Variants in TMEM184B observed in about 807,000 individuals in gnomAD.
TMEM184B encodes the protein transmembrane protein 184B, also known as putative MAPK-activating protein FM08.
Under a neutral mutation model 41.8 loss-of-function variants are expected in TMEM184B, and 17 were observed. The observed-to-expected ratio is 0.41, with a 90% CI of 0.28 to 0.61. TMEM184B has a LOEUF of 0.61. Ranked by LOEUF, TMEM184B falls within the 20% of genes least tolerant of loss-of-function variation. The probability of loss-of-function intolerance (pLI) is 0.34; values close to 1 mark genes in which losing one functional copy is unlikely to be tolerated. For missense variants in TMEM184B, 393 were observed against 557.8 expected (o/e 0.70, Z 2.98); for synonymous variants, 240 against 229.5 (o/e 1.05, Z -0.41).
At position 38,247,824 on chromosome 22, in the gene TMEM184B, A is replaced by T. The variant is rs748200048; in HGVS notation, c.138T>A (p.Ala46=). Reference sequence around the variant, plus strand: ...ACACGAAGAAGCCAGAGATGGCCTGAGCGGCAGTTGTCATCAGGAACACAG... The same window carrying T: ...ACACGAAGAAGCCAGAGATGGCCTGTGCGGCAGTTGTCATCAGGAACACAG... ...EQPVFLMTTA[A]QAISGFFVWT... Residue 46 remains alanine (A), a synonymous_variant, in exon 2 of 9, where the codon GCT becomes GCA. Transcript: ENST00000361906. 6.2e-7 allele frequency: 1 copy of T among 1,613,946 alleles called. No individual in the cohort carries two copies. Among genetic ancestry groups the T allele is most frequent in the South Asian group, 1.1e-5 (1 of 91,044 alleles).
chr22:38,229,681 G>T (rs2091556971), intron 5 of TMEM184B, among the ~76,000 whole-genome samples: 1 of 110,748 alleles, frequency 9.0e-6, no homozygotes, highest in South Asian at 3.6e-4. Flanking sequence ...GATTGCCAAG[G>T]CTACTCTAGA....
intron 3 of TMEM184B, among the ~76,000 whole-genome samples, chr22:38,234,009 T>G (rs2145616153): frequency 8.1e-6 from 1 of 123,506 alleles, no homozygotes; most frequent in African/African-American, 3.0e-5. Context: ...CCTCAGGTGA[T>G]CCGCCCACCT....
At chr22:38,263,792 T>C (rs1368001747) in intron 1 of TMEM184B, among the ~76,000 whole-genome samples, 1 of 152,178 alleles carries the variant, frequency 6.6e-6, no homozygotes, top group Non-Finnish European at 1.5e-5. Context: ...GGGGGAAATA[T>C]AGAAAATATG....
At chr22:38,253,011 A>G (rs112496487) in intron 1 of TMEM184B, among the ~76,000 whole-genome samples, 1 of 152,046 alleles carries the variant, frequency 6.6e-6, no homozygotes, top group Admixed American at 6.6e-5. Context: ...GCCTGGTGGC[A>G]GGCGCCTGTA....
chr22:38,271,292 C>G (rs1448484378), intron 1 of TMEM184B, among the ~76,000 whole-genome samples: 1 of 152,142 alleles, frequency 6.6e-6, no homozygotes, highest in Non-Finnish European at 1.5e-5. Flanking sequence ...ATAGTAGATG[C>G]TCAGTAAGTT....
Position 38,220,457 on chromosome 22 carries a change from T to C in TMEM184B, c.*1012A>G. 1 of 983,940 alleles carries C rather than the reference T, an allele frequency of 1.0e-6. No homozygotes were observed. Among genetic ancestry groups the C allele is most frequent in the Non-Finnish European group, 1.2e-6 (1 of 829,436 alleles). 61.0% of individuals were successfully genotyped at this position (983,940 alleles called of 1,614,324 possible). ...GTGTGGATAGGGGCCCCGAGAGGAG[T>C]CTGGGACCATTCCCCCCACCTCCCA... On this transcript the variant is annotated 3_prime_UTR_variant, in exon 9 of 9. Transcript: ENST00000361906.
chr22:38,253,933 G>C (rs533392542), intron 1 of TMEM184B, among the ~76,000 whole-genome samples: 1 of 152,200 alleles, frequency 6.6e-6, no homozygotes, highest in Non-Finnish European at 1.5e-5. Flanking sequence ...AGGCGCGGTG[G>C]TTCACACCTG....
At chr22:38,223,366 G>C (rs1038774862) in intron 8 of TMEM184B, 4 of 152,338 alleles carry the variant, frequency 2.6e-5, no homozygotes, top group African/African-American at 9.7e-5. Context: ...CGGGCACAGG[G>C]TATACCACAC....
rs907381212 is a variant in TMEM184B at position 38,226,606 on chromosome 22, G to A, written c.617+173C>T. ...TGGCTCACTCCGGGGCTGGCAGCGG[G>A]GCCAACTGCAAGGGTGTCCACTGCT... On this transcript the variant is annotated intron_variant, in intron 6 of 8. Transcript: ENST00000361906. The surrounding 1 kb of genome is among the most constrained non-coding windows in gnomAD (Gnocchi z 4.6). 1.7e-6 allele frequency: 1 copy of A among 605,140 alleles called. No individual in the cohort carries two copies. Among genetic ancestry groups the A allele is most frequent in the East Asian group, 3.0e-5 (1 of 33,520 alleles). 37.5% of individuals were successfully genotyped at this position (605,140 alleles called of 1,614,324 possible). A position where few individuals can be genotyped will look rare whatever the true frequency, so the allele number is the denominator to read the frequency against.
intron 3 of TMEM184B, among the ~76,000 whole-genome samples, chr22:38,236,302 T>A (rs1009207348): frequency 1.3e-5 from 2 of 151,688 alleles, no homozygotes; most frequent in Admixed American, 6.6e-5. Context: ...ATGCACAGTA[T>A]CAGGAGAGAA....
At position 38,220,972 on chromosome 22, in the gene TMEM184B, C is replaced by G; in HGVS notation, c.*497G>C. 1.0e-6 allele frequency: 1 copy of G among 990,616 alleles called. No homozygotes were observed. The highest frequency in any genetic ancestry group is 1.2e-6 in the Non-Finnish European group (1 of 833,220). The allele number at this position is 990,616 out of a possible 1,614,324, so 61.4% of individuals were successfully genotyped here. A position where few individuals can be genotyped will look rare whatever the true frequency, so the allele number is the denominator to read the frequency against. ...GAGCGCCCACATCCCCACTCCTGCCCGGGGTGAGGTGAATCTAGCACTGGA... is the reference window on the plus strand; with the variant it reads ...GAGCGCCCACATCCCCACTCCTGCCGGGGGTGAGGTGAATCTAGCACTGGA... On this transcript the variant is annotated 3_prime_UTR_variant, in exon 9 of 9. Coordinates refer to ENST00000361906, the MANE Select transcript of TMEM184B (RefSeq NM_012264.5).
chr22:38,222,065 G>T, intron 8 of TMEM184B: 2 of 258,530 alleles, frequency 7.7e-6, no homozygotes, highest in South Asian at 1.2e-4. Flanking sequence ...ACTGACTGAA[G>T]TTGGGGCATG....
chr22:38,266,996 T>C (rs2092452560), intron 1 of TMEM184B, among the ~76,000 whole-genome samples: 2 of 150,614 alleles, frequency 1.3e-5, no homozygotes, highest in South Asian at 4.2e-4. Flanking sequence ...GGCAGGAGAA[T>C]GGCTTGAACC....
At chr22:38,238,638 C>T (rs1246327699) in intron 3 of TMEM184B, among the ~76,000 whole-genome samples, 1 of 152,228 alleles carries the variant, frequency 6.6e-6, no homozygotes, top group African/African-American at 2.4e-5. Flanking sequence ...CTGCGGCCCT[C>T]GGCTGTGCTC....
rs573689330 is a variant in TMEM184B at position 38,220,617 on chromosome 22, C to T, written c.*852G>A. On this transcript the variant is annotated 3_prime_UTR_variant, in exon 9 of 9. Coordinates refer to ENST00000361906, the MANE Select transcript of TMEM184B (RefSeq NM_012264.5). ...AGCCCCAAAGAGAGAGAGGACCCAG[C>T]ATCAGCCTGGGAAGGAGGGCTGGGA... 3.0e-6 allele frequency: 3 copies of T among 986,210 alleles called. No individual in the cohort carries two copies. The South Asian group carries it at 1.4e-4, about 46-fold the overall frequency. 61.1% of individuals were successfully genotyped at this position (986,210 alleles called of 1,614,324 possible).
chr22:38,270,586 G>A (rs1418415795), intron 1 of TMEM184B, among the ~76,000 whole-genome samples: 4 of 152,146 alleles, frequency 2.6e-5, no homozygotes, highest in African/African-American at 9.7e-5. Flanking sequence ...CACAGTGCAG[G>A]GCAGCATGGT....
chr22:38,221,416 G>C lies in TMEM184B; in HGVS notation c.*53C>G, dbSNP rs1158362109. On this transcript the variant is annotated 3_prime_UTR_variant, in exon 9 of 9. Transcript: ENST00000361906. ...GCCTGGTGGTGAGGCTGGAGGTGGG[G>C]CACAGCCTGACCGTGGCTATGGCGC... The C allele has an allele frequency of 6.5e-7, 1 of 1,546,156 alleles. No individual in the cohort carries two copies. The highest frequency in any genetic ancestry group is 1.2e-5 in the South Asian group (1 of 80,886).
chr22:38,233,164 G>A (rs902911635), intron 3 of TMEM184B, among the ~76,000 whole-genome samples: 15 of 152,192 alleles, frequency 9.9e-5, no homozygotes, highest in African/African-American at 2.9e-4. Context: ...ACACATTTGC[G>A]GCATTTTATG....
chr22:38,259,958 T>G (rs1280167427), intron 1 of TMEM184B, among the ~76,000 whole-genome samples: 17 of 108,154 alleles, frequency 1.6e-4, no homozygotes, highest in African/African-American at 3.2e-4. Flanking sequence ...TTTTTTTTTT[T>G]TGTGAGACGG....
Sources: gnomAD v4.1 joint callset for allele counts (sites outside exome capture counted in the v4.1 genomes callset) on GRCh38, gnomAD v4.1.1 for gene constraint, Gnocchi (gnomAD v3.1) non-coding constraint, MANE v1.5 for transcripts, NCBI Gene and HGNC (gene_info 2026-07-23, HGNC 2026-07-21) for gene names.